The following CNIH1 variants were observed in gnomAD, a reference collection of about 807,000 sequenced individuals.
The protein encoded by CNIH1 is protein cornichon homolog 1.
Under a neutral mutation model 20.2 loss-of-function variants are expected in CNIH1, and 12 were observed. That is an observed-to-expected ratio of 0.59 (90% CI 0.38 to 0.96). The LOEUF (loss-of-function observed/expected upper bound fraction) is 0.96, where lower values mean the gene tolerates loss of function less well. CNIH1 is among the 40% of genes least tolerant of loss of function. The pLI is 0.00. For missense variants in CNIH1, 152 were observed against 178.8 expected (o/e 0.85, Z 0.85); for synonymous variants, 69 against 63.3 (o/e 1.09, Z -0.43).
intron 3 of CNIH1, among the ~76,000 whole-genome samples, chr14:54,431,061 G>A (rs1002751798): frequency 3.3e-5 from 5 of 152,058 alleles, no homozygotes; most frequent in African/African-American, 9.7e-5. Flanking sequence ...CTGGGCTCAA[G>A]TGATCCACCT....
chr14:54,436,721 T>C, intron 1 of CNIH1: 1 of 513,092 alleles, frequency 1.9e-6, no homozygotes. Flanking sequence ...TCAACTTATC[T>C]CTACTCGAAA....
chr14:54,429,921 G>A (rs894084996), intron 4 of CNIH1, among the ~76,000 whole-genome samples: 3 of 152,230 alleles, frequency 2.0e-5, no homozygotes, highest in South Asian at 2.1e-4. Flanking sequence ...AGACCCTGAA[G>A]ACAAGCAGAA....
At chr14:54,435,198 CA>C (rs2031032409) in intron 2 of CNIH1, among the ~76,000 whole-genome samples, 1 of 152,066 alleles carries the variant, frequency 6.6e-6, no homozygotes, top group Admixed American at 6.6e-5. Flanking sequence ...ACCAGTCAGG[CA>C]AAATCAAATA....
At chr14:54,440,617 G>C (rs1419198332) in intron 1 of CNIH1, among the ~76,000 whole-genome samples, 1 of 152,142 alleles carries the variant, frequency 6.6e-6, no homozygotes, top group South Asian at 2.1e-4. Context: ...TGAAACTCCA[G>C]CGGTCAAAGT....
rs534155346 is a variant in CNIH1, at chr14:54,426,885, G to A, written c.*929C>T. On this transcript the variant is annotated 3_prime_UTR_variant, in exon 5 of 5. Transcript: ENST00000216416. ...CATGTCTTTATCATGGATTAAGCAA[G>A]TTTAAGAAATACTATTTTTAATCTC... 1 of 152,258 alleles carries A rather than the reference G, an allele frequency of 6.6e-6. No individual in the cohort carries two copies. Among genetic ancestry groups the A allele is most frequent in the Non-Finnish European group, 1.5e-5 (1 of 67,990 alleles). The allele number at this position is 152,258 out of a possible 1,614,324, so 9.4% of individuals were successfully genotyped here. A position where few individuals can be genotyped will look rare whatever the true frequency, so the allele number is the denominator to read the frequency against.
At chr14:54,440,525 T>C (rs1260111288) in intron 1 of CNIH1, among the ~76,000 whole-genome samples, 1 of 152,232 alleles carries the variant, frequency 6.6e-6, no homozygotes, top group East Asian at 1.9e-4. Context: ...TTAAGGTTTC[T>C]GAGCATCTCA....
At chr14:54,430,710 C>T (rs776675405) in intron 3 of CNIH1, among the ~76,000 whole-genome samples, 29 of 152,176 alleles carry the variant, frequency 1.9e-4, no homozygotes, top group Admixed American at 3.9e-4. Context: ...TAATTTTAGA[C>T]TTACAGAAAA....
chr14:54,428,606 C>A (rs572374884), intron 4 of CNIH1, among the ~76,000 whole-genome samples: 5 of 152,348 alleles, frequency 3.3e-5, no homozygotes, highest in African/African-American at 1.2e-4. Context: ...CCAACTTTAT[C>A]ATTTATTCAA....
chr14:54,432,075 TA>T (rs1227292970), intron 3 of CNIH1, 32 bp downstream of exon 3: 16 of 1,204,090 alleles, frequency 1.3e-5, no homozygotes, highest in South Asian at 5.2e-5. Context: ...AGTTTTAATT[TA>T]AAAAAATATT....
In CNIH1 at chr14:54,441,137, A is replaced by G. The variant is rs1594621288; in HGVS notation, c.81+110T>C. On this transcript the variant is annotated intron_variant, in intron 1 of 4. Transcript: ENST00000216416. ...GCGCGGCCCGTGCCAGCCGGGCCGC[A>G]TCCCCGACGCGCAAAGCCCCGGCGG... 7 of 1,098,308 alleles carry G rather than the reference A, an allele frequency of 6.4e-6. No individual in the cohort carries two copies. The East Asian group carries it at 2.5e-4, about 40-fold the overall frequency. 68.0% of individuals were successfully genotyped at this position (1,098,308 alleles called of 1,614,324 possible). A position where few individuals can be genotyped will look rare whatever the true frequency, so the allele number is the denominator to read the frequency against.
intron 1 of CNIH1, 70 bp from the exon 2 acceptor site, chr14:54,436,507 C>G: frequency 5.1e-6 from 4 of 791,346 alleles, no homozygotes; most frequent in Admixed American, 2.2e-5. Flanking sequence ...GCCCCATCTT[C>G]AAATAATTAT....
Position 54,430,137 on chromosome 14 carries a change from C to T in CNIH1, c.407+124G>A, listed in dbSNP as rs548266454. 371 of 1,015,118 alleles carry T rather than the reference C, an allele frequency of 3.7e-4. No homozygotes were observed. In the African/African-American group the frequency reaches 5.0e-3, roughly 14 times the overall value. The allele number at this position is 1,015,118 out of a possible 1,614,324, so 62.9% of individuals were successfully genotyped here. A position where few individuals can be genotyped will look rare whatever the true frequency, so the allele number is the denominator to read the frequency against. On this transcript the variant is annotated intron_variant, in intron 4 of 4. Transcript: ENST00000216416. ...GAATGTGTGCGAATTTGCTGGTGTG[C>T]ACCATGCACACTTAAGACACTAAGT...
chr14:54,438,930 CCT>C (rs1237076945), intron 1 of CNIH1, among the ~76,000 whole-genome samples: 4 of 152,280 alleles, frequency 2.6e-5, no homozygotes, highest in Non-Finnish European at 4.4e-5. Flanking sequence ...GGCACCTCCC[CCT>C]CTTTTTCCTT....
chr14:54,429,162 C>A (rs1333533118), intron 4 of CNIH1, among the ~76,000 whole-genome samples: 2 of 152,250 alleles, frequency 1.3e-5, no homozygotes, highest in East Asian at 3.9e-4. Flanking sequence ...TAACAGTGTC[C>A]TTTTCTAGTT....
Position 54,425,440 on chromosome 14 carries a change from G to A in CNIH1, c.*2374C>T, listed in dbSNP as rs1450715381. 1 of 151,994 alleles carries A rather than the reference G, an allele frequency of 6.6e-6. No homozygotes were observed. Among genetic ancestry groups the A allele is most frequent in the Non-Finnish European group, 1.5e-5 (1 of 67,976 alleles). 9.4% of individuals were successfully genotyped at this position (151,994 alleles called of 1,614,324 possible). On this transcript the variant is annotated 3_prime_UTR_variant, in exon 5 of 5. Coordinates refer to ENST00000216416, the MANE Select transcript of CNIH1 (RefSeq NM_005776.3). ...TGTTGCTGCACAGGGAATGTTTAAC[G>A]TAAACTGAATTATAAACCCAGGCTA...
chr14:54,436,912 C>A (rs2031066424), intron 1 of CNIH1: 2 of 341,132 alleles, frequency 5.9e-6, no homozygotes, highest in South Asian at 2.3e-5. Flanking sequence ...TATGGCTTTT[C>A]TCACCCTGGA....
At chr14:54,440,749 C>T (rs1444660584) in intron 1 of CNIH1, among the ~76,000 whole-genome samples, 2 of 152,186 alleles carry the variant, frequency 1.3e-5, no homozygotes, top group African/African-American at 2.4e-5. Context: ...TTGAAGAGCA[C>T]CGAACAAGTG....
intron 2 of CNIH1, among the ~76,000 whole-genome samples, chr14:54,433,839 T>TTTA (rs2030996748): frequency 6.6e-6 from 1 of 152,136 alleles, no homozygotes; most frequent in South Asian, 2.1e-4. Context: ...AATAAAAGTG[T>TTTA]TAATAAAGAT....
intron 4 of CNIH1, among the ~76,000 whole-genome samples, chr14:54,428,407 A>G (rs1378060208): frequency 6.6e-6 from 1 of 152,246 alleles, no homozygotes; most frequent in Admixed American, 6.5e-5. Context: ...CTTTTGATTT[A>G]GGTTTAAGAA....
Sources: gnomAD v4.1 joint callset for allele counts (sites outside exome capture counted in the v4.1 genomes callset) on GRCh38, gnomAD v4.1.1 for gene constraint, MANE v1.5 for transcripts, NCBI Gene and HGNC (gene_info 2026-07-23, HGNC 2026-07-21) for gene names.